The following AP1S3 variants were observed in gnomAD, a reference collection of about 807,000 sequenced individuals.
The protein encoded by AP1S3 is adaptor related protein complex 1 subunit sigma 3.
Under a neutral mutation model 20.9 loss-of-function variants are expected in AP1S3, and 10 were observed. The observed-to-expected ratio is 0.48, with a 90% CI of 0.29 to 0.81. The LOEUF is 0.81. Ranked by LOEUF, AP1S3 falls within the 30% of genes least tolerant of loss-of-function variation. AP1S3 has a pLI of 0.08. For synonymous variants in AP1S3, 41 were observed against 61.5 expected (o/e 0.67, Z 1.56); for missense variants, 154 against 183.8 (o/e 0.84, Z 0.94).
intron 1 of AP1S3, among the ~76,000 whole-genome samples, chr2:223,790,478 C>T (rs604736): frequency 0.48 from 73,562 of 151,736 alleles, 18,459 homozygotes; most frequent in African/African-American, 0.61. Context: ...CAGTGATTCA[C>T]GTGCCTCGGC....
intron 1 of AP1S3, among the ~76,000 whole-genome samples, chr2:223,827,406 A>G (rs961387061): frequency 2.0e-5 from 3 of 152,150 alleles, no homozygotes; most frequent in Non-Finnish European, 4.4e-5. Flanking sequence ...GTTTTGAGAT[A>G]GAGTCTCACT....
chr2:223,826,641 C>A (rs1051714717), intron 1 of AP1S3, among the ~76,000 whole-genome samples: 73 of 152,052 alleles, frequency 4.8e-4, no homozygotes, highest in African/African-American at 1.7e-3. Flanking sequence ...ATTCATATTT[C>A]ATAGAGATGC....
chr2:223,759,175 G>C (rs1490584510), intron 4 of AP1S3, among the ~76,000 whole-genome samples: 1 of 152,074 alleles, frequency 6.6e-6, no homozygotes, highest in East Asian at 1.9e-4. Flanking sequence ...AGCTACTCGG[G>C]AAGCTGAGGC....
At chr2:223,810,520 G>A (rs1327979711) in intron 1 of AP1S3, among the ~76,000 whole-genome samples, 1 of 152,098 alleles carries the variant, frequency 6.6e-6, no homozygotes, top group Non-Finnish European at 1.5e-5. Flanking sequence ...TGTTGCCCAG[G>A]CTGGTCTCAA....
rs1287260959 is a variant in AP1S3, at chr2:223,807,878, T to C, written c.3+29570A>G. Among the ~76,000 whole-genome samples, 5 of 128,374 alleles carry C rather than the reference T, an allele frequency of 3.9e-5. No homozygotes were observed. In the East Asian group the frequency reaches 6.6e-4, roughly 17 times the overall value. 84.2% of individuals were successfully genotyped at this position (128,374 alleles called of 152,430 possible). A position where few individuals can be genotyped will look rare whatever the true frequency, so the allele number is the denominator to read the frequency against. On this transcript the variant is annotated intron_variant, in intron 1 of 4. Coordinates refer to ENST00000396654, the MANE Select transcript of AP1S3 (RefSeq NM_001039569.2). Reference sequence around the variant, plus strand: ...CAGGCATTTCTTTTCTTTTTTTTTTTTTTTTTTTTTTTTTGGAGACAAGGT... The same window carrying C: ...CAGGCATTTCTTTTCTTTTTTTTTTCTTTTTTTTTTTTTTGGAGACAAGGT...
intron 1 of AP1S3, among the ~76,000 whole-genome samples, chr2:223,823,598 A>G (rs1188634133): frequency 6.6e-6 from 1 of 152,228 alleles, no homozygotes; most frequent in African/African-American, 2.4e-5. Context: ...GACAGAGAAG[A>G]AATTGAGGAG....
chr2:223,777,378 G>C (rs1690809115), intron 2 of AP1S3, among the ~76,000 whole-genome samples: 1 of 152,108 alleles, frequency 6.6e-6, no homozygotes, highest in Non-Finnish European at 1.5e-5. Context: ...CTGGGTGACA[G>C]AGCAAGATTC....
chr2:223,805,940 A>C (rs1002908329), intron 1 of AP1S3, among the ~76,000 whole-genome samples: 12 of 152,326 alleles, frequency 7.9e-5, no homozygotes, highest in African/African-American at 2.9e-4. Context: ...CAACTGCAGA[A>C]GCAAAAATGT....
At chr2:223,802,975 G>A (rs13383994) in intron 1 of AP1S3, among the ~76,000 whole-genome samples, 62,235 of 151,990 alleles carry the variant, frequency 0.41, 12,911 homozygotes, top group Middle Eastern at 0.48. Context: ...ACTTAATTGT[G>A]TTAAAATCTG....
intron 1 of AP1S3, among the ~76,000 whole-genome samples, chr2:223,778,160 C>G (rs1244956398): frequency 6.7e-6 from 1 of 150,062 alleles, no homozygotes; most frequent in Non-Finnish European, 1.5e-5. Context: ...GAGTGTCGCT[C>G]TGCTGCCCAG....
intron 3 of AP1S3, among the ~76,000 whole-genome samples, chr2:223,769,796 T>G (rs1236269159): frequency 7.8e-6 from 1 of 127,756 alleles, no homozygotes; most frequent in Non-Finnish European, 1.5e-5. Flanking sequence ...CAGGCTGGAG[T>G]GCAGTGGCGC....
intron 1 of AP1S3, among the ~76,000 whole-genome samples, chr2:223,779,025 T>C (rs1159725423): frequency 6.6e-6 from 1 of 152,202 alleles, no homozygotes; most frequent in Non-Finnish European, 1.5e-5. Flanking sequence ...TTCTCCATTT[T>C]GCACGCTACT....
In AP1S3 at chr2:223,832,032, G is replaced by A. The variant is rs12997766; in HGVS notation, c.3+5416C>T. Among the ~76,000 whole-genome samples the A allele has an allele frequency of 2.6e-3, 390 of 151,364 alleles. 1 individual carries two copies. The highest frequency in any genetic ancestry group is 9.1e-3 in the African/African-American group (375 of 41,190). On this transcript the variant is annotated intron_variant, in intron 1 of 4. Transcript: ENST00000396654. ...GCAGCGCTTGCAGTGAGCAGAGATC[G>A]TGCCACTGCACTCCAGCCTGGGAGA...
intron 1 of AP1S3, among the ~76,000 whole-genome samples, chr2:223,789,490 A>T (rs1458879321): frequency 6.6e-6 from 1 of 151,894 alleles, no homozygotes; most frequent in Non-Finnish European, 1.5e-5. Context: ...TTATAGCAAG[A>T]TCCCATCCTT....
intron 4 of AP1S3, among the ~76,000 whole-genome samples, chr2:223,759,032 G>A (rs746597898): frequency 2.7e-4 from 41 of 152,226 alleles, no homozygotes; most frequent in Middle Eastern, 6.8e-3. Flanking sequence ...TGGTGCTCAC[G>A]CCTGTAATAC....
intron 1 of AP1S3, among the ~76,000 whole-genome samples, chr2:223,829,704 G>T (rs184171046): frequency 1.3e-5 from 2 of 151,864 alleles, no homozygotes; most frequent in African/African-American, 4.8e-5. Context: ...GGGTAAGGTG[G>T]TGGGCACCTG....
chr2:223,823,995 G>T lies in AP1S3; in HGVS notation c.3+13453C>A, dbSNP rs1692057458. On this transcript the variant is annotated intron_variant, in intron 1 of 4. Coordinates refer to ENST00000396654, the MANE Select transcript of AP1S3 (RefSeq NM_001039569.2). ...GGGGTGTAGAGGGAAATAGTAGACGGTTTGTCGTTGTTTTTGTTTGTTTTT... is the reference window on the plus strand; with the variant it reads ...GGGGTGTAGAGGGAAATAGTAGACGTTTTGTCGTTGTTTTTGTTTGTTTTT... 2.0e-5 allele frequency among the ~76,000 whole-genome samples: 3 copies of T among 152,090 alleles called. No individual in the cohort carries two copies. The South Asian group carries it at 6.2e-4, about 32-fold the overall frequency.
intron 1 of AP1S3, among the ~76,000 whole-genome samples, chr2:223,820,191 C>T (rs1021955870): frequency 6.6e-6 from 1 of 152,038 alleles, no homozygotes; most frequent in South Asian, 2.1e-4. Context: ...GACTGAAAGA[C>T]ATTTATCTTG....
chr2:223,788,074 G>A (rs958884627), intron 1 of AP1S3, among the ~76,000 whole-genome samples: 3 of 151,922 alleles, frequency 2.0e-5, no homozygotes, highest in African/African-American at 2.4e-5. Flanking sequence ...AGCCTCCTGA[G>A]TAGCTGGGAT....
Sources: gnomAD v4.1 joint callset for allele counts (sites outside exome capture counted in the v4.1 genomes callset) on GRCh38, gnomAD v4.1.1 for gene constraint, MANE v1.5 for transcripts, NCBI Gene and HGNC (gene_info 2026-07-23, HGNC 2026-07-21) for gene names.